The following STRBP variants were observed in gnomAD, a reference collection of about 807,000 sequenced individuals.
The protein encoded by STRBP is spermatid perinuclear RNA-binding protein.
In STRBP, 13 loss-of-function variants were observed where a neutral mutation model predicts 80.1. The ratio of observed to expected loss-of-function variants is 0.16; its 90% CI spans 0.11 to 0.26. The LOEUF (loss-of-function observed/expected upper bound fraction) is 0.26. STRBP is among the 10% of genes least tolerant of loss of function. The probability of loss-of-function intolerance (pLI) is 1.00; values close to 1 mark genes in which losing one functional copy is unlikely to be tolerated. For missense variants in STRBP, 485 were observed against 815.2 expected, an observed-to-expected ratio of 0.59 and a Z score of 4.93; for synonymous variants, 284 against 291.2, an observed-to-expected ratio of 0.98 and a Z score of 0.25.
intron 12 of STRBP, among the ~76,000 whole-genome samples, chr9:123,147,503 C>T (rs2036863539): frequency 6.6e-6 from 1 of 151,836 alleles, no homozygotes; most frequent in Non-Finnish European, 1.5e-5. Context: ...TGGCAAAATC[C>T]TGTCTCTACC....
At chr9:123,167,230 AGGAAAGTT>A (rs1432698572) in intron 6 of STRBP, among the ~76,000 whole-genome samples, 1 of 152,108 alleles carries the variant, frequency 6.6e-6, no homozygotes, top group Non-Finnish European at 1.5e-5. Flanking sequence ...GGGTAGGTGA[AGGAAAGTT>A]GAGATACTAC....
At chr9:123,248,315 T>C (rs1252270675) in intron 1 of STRBP, among the ~76,000 whole-genome samples, 1 of 139,586 alleles carries the variant, frequency 7.2e-6, no homozygotes, top group Non-Finnish European at 1.5e-5. Context: ...TTGCCCAGGC[T>C]AGAGCGCAAT....
chr9:123,136,607 A>C lies in STRBP; in HGVS notation c.1498-92T>G. The C allele has an allele frequency of 2.1e-6, 3 of 1,461,398 alleles. No homozygotes were observed. Among genetic ancestry groups the C allele is most frequent in the Non-Finnish European group, 2.7e-6 (3 of 1,096,528 alleles). 90.5% of individuals were successfully genotyped at this position (1,461,398 alleles called of 1,614,324 possible). ...TACAATTATGCTAAGAAGGAGGCTC[A>C]AAAATTCTACTTCAAAGCACTCAGG... On this transcript the variant is annotated intron_variant, in intron 14 of 18. Coordinates refer to ENST00000348403, the MANE Select transcript of STRBP (RefSeq NM_018387.5). This position sits in a 1 kb window ranked among gnomAD's most constrained non-coding sequence, Gnocchi z 4.2.
At chr9:123,128,495 A>C (rs2035989592) in intron 17 of STRBP, among the ~76,000 whole-genome samples, 2 of 152,184 alleles carry the variant, frequency 1.3e-5, no homozygotes, top group African/African-American at 2.4e-5. Context: ...AGACTGTCCT[A>C]CATCTCTTTC....
At chr9:123,177,220 T>C (rs1449109654) in intron 4 of STRBP, among the ~76,000 whole-genome samples, 2 of 152,140 alleles carry the variant, frequency 1.3e-5, no homozygotes, top group Non-Finnish European at 1.5e-5. Context: ...CAGGGACTGT[T>C]CCACAAAACG....
At chr9:123,253,133 A>T (rs1015147724) in intron 1 of STRBP, among the ~76,000 whole-genome samples, 1 of 152,224 alleles carries the variant, frequency 6.6e-6, no homozygotes, top group Non-Finnish European at 1.5e-5. Context: ...GCTCAGACTA[A>T]ACCACTCAAG....
chr9:123,214,183 CAA>C (rs1491225406), intron 2 of STRBP, among the ~76,000 whole-genome samples: 1 of 140,572 alleles, frequency 7.1e-6, no homozygotes, highest in African/African-American at 2.8e-5. Flanking sequence ...CACACACACA[CAA>C]AATGGAACAG....
intron 1 of STRBP, among the ~76,000 whole-genome samples, chr9:123,246,952 G>C (rs1333989761): frequency 1.3e-5 from 2 of 152,018 alleles, no homozygotes; most frequent in African/African-American, 4.8e-5. Context: ...CACCAATATA[G>C]TAAAATATCA....
chr9:123,263,388 G>A (rs2041198397), intron 1 of STRBP, among the ~76,000 whole-genome samples: 1 of 151,980 alleles, frequency 6.6e-6, no homozygotes, highest in Non-Finnish European at 1.5e-5. Flanking sequence ...AGCCAGATGT[G>A]GTGGCACATG....
At chr9:123,118,410 A>G (rs2132281042), downstream of STRBP, among the ~76,000 whole-genome samples, 1 of 152,330 alleles carries the variant, frequency 6.6e-6, no homozygotes, top group East Asian at 1.9e-4. Flanking sequence ...CTGGGCAAAC[A>G]GTGGCTATCT....
At chr9:123,229,462 G>A (rs1054225315) in intron 2 of STRBP, among the ~76,000 whole-genome samples, 5 of 152,182 alleles carry the variant, frequency 3.3e-5, no homozygotes, top group Non-Finnish European at 7.4e-5. Context: ...ACAGTAGCTG[G>A]CAATCAAAGT....
intron 1 of STRBP, among the ~76,000 whole-genome samples, chr9:123,251,568 C>G (rs994529330): frequency 6.6e-6 from 1 of 152,182 alleles, no homozygotes; most frequent in African/African-American, 2.4e-5. Flanking sequence ...TGAGTCACAA[C>G]TTCTCTCAGC....
chr9:123,207,503 A>G (rs1432007362), intron 2 of STRBP, among the ~76,000 whole-genome samples: 1 of 152,216 alleles, frequency 6.6e-6, no homozygotes, highest in Non-Finnish European at 1.5e-5. Flanking sequence ...TTTTTAGTAT[A>G]AAAAACATTC....
chr9:123,142,396 G>C (rs538170035), intron 13 of STRBP, among the ~76,000 whole-genome samples: 20 of 152,246 alleles, frequency 1.3e-4, no homozygotes, highest in Non-Finnish European at 2.2e-4. Flanking sequence ...AAGTCACTAT[G>C]CTTTCTGTAC....
intron 3 of STRBP, chr9:123,112,859 A>AAGGGGC (rs3049221): frequency 0.64 from 106,435 of 166,496 alleles, 41,511 homozygotes; most frequent in Non-Finnish European, 0.86. Context: ...ATTCTGAAGC[A>AAGGGGC]AGGGGCAGTC....
At position 123,236,824 on chromosome 9, in the gene STRBP, A is replaced by G. The variant is rs541892927; in HGVS notation, c.-165+6T>C. 6.6e-6 allele frequency: 1 copy of G among 152,046 alleles called. No homozygotes were observed. The highest frequency in any genetic ancestry group is 1.5e-5 in the Non-Finnish European group (1 of 68,018). 9.4% of individuals were successfully genotyped at this position (152,046 alleles called of 1,614,324 possible). A position where few individuals can be genotyped will look rare whatever the true frequency, so the allele number is the denominator to read the frequency against. ...GGGAATACCATCACTTACTTTATCT[A>G]CTTACCTTTATAAGAAGCAACAGTT... On this transcript the variant is annotated splice_donor_region_variant and intron_variant, in intron 2 of 18. Transcript: ENST00000348403.
chr9:123,220,628 T>C (rs1314620724), intron 2 of STRBP, among the ~76,000 whole-genome samples: 1 of 152,180 alleles, frequency 6.6e-6, no homozygotes, highest in East Asian at 1.9e-4. Context: ...GATGCAGACA[T>C]TGTCAGTACT....
intron 2 of STRBP, among the ~76,000 whole-genome samples, chr9:123,221,607 G>C (rs1402848772): frequency 6.6e-6 from 1 of 152,202 alleles, no homozygotes; most frequent in Non-Finnish European, 1.5e-5. Flanking sequence ...GAAACCATTT[G>C]AAAGTAAGTT....
At chr9:123,248,205 C>G (rs2040836832) in intron 1 of STRBP, among the ~76,000 whole-genome samples, 2 of 150,068 alleles carry the variant, frequency 1.3e-5, no homozygotes, top group African/African-American at 4.9e-5. Flanking sequence ...GCATATTTAA[C>G]TTAGTCTTTT....
Sources: allele counts gnomAD v4.1 joint callset (sites outside exome capture counted in the v4.1 genomes callset), GRCh38; gene constraint gnomAD v4.1.1; non-coding constraint Gnocchi (gnomAD v3.1); transcripts MANE v1.5; gene names NCBI Gene and HGNC (gene_info 2026-07-23, HGNC 2026-07-21).